CELSR1: variants seen among roughly 807,000 people sequenced by gnomAD.
The protein encoded by CELSR1 is adhesion G protein-coupled receptor C1.
Under a neutral mutation model 249.1 loss-of-function variants are expected in CELSR1, and 110 were observed. The observed-to-expected ratio is 0.44, with a 90% CI of 0.38 to 0.52. CELSR1 has a LOEUF of 0.52. CELSR1 is among the 20% of genes least tolerant of loss of function. CELSR1 has a pLI of 0.00. For missense variants in CELSR1, 4,109 were observed against 4,296.4 expected (o/e 0.96, Z 1.22); for synonymous variants, 2,113 against 1,900.0 (o/e 1.11, Z -2.92).
intron 18 of CELSR1, among the ~76,000 whole-genome samples, chr22:46,387,233 T>C (rs146697337): frequency 1.1e-4 from 17 of 152,322 alleles, no homozygotes; most frequent in Middle Eastern, 3.4e-3. Context: ...AGCCGAACAA[T>C]TGAAATACAA....
At position 46,409,278 on chromosome 22, in the gene CELSR1, A is replaced by T; in HGVS notation, c.5060-116T>A. 6 of 1,068,096 alleles carry T rather than the reference A, an allele frequency of 5.6e-6. No homozygotes were observed. The highest frequency in any genetic ancestry group is 8.0e-6 in the Non-Finnish European group (6 of 751,174). The allele number at this position is 1,068,096 out of a possible 1,614,324, so 66.2% of individuals were successfully genotyped here. A position where few individuals can be genotyped will look rare whatever the true frequency, so the allele number is the denominator to read the frequency against. ...AGGCCTGGGCCTTTTTCACTTTAAC[A>T]CGAAGGTGGGTCTGAGCCTCCCCTC... is the stretch of plus-strand genomic sequence containing the variant. On this transcript the variant is annotated intron_variant, in intron 8 of 34. Coordinates refer to ENST00000674500, the MANE Select transcript of CELSR1 (RefSeq NM_001378328.1). The surrounding 1 kb of genome is among the most constrained non-coding windows in gnomAD (Gnocchi z 9.8).
At chr22:46,371,832 C>G (rs1330276974) in intron 25 of CELSR1, among the ~76,000 whole-genome samples, 1 of 150,680 alleles carries the variant, frequency 6.6e-6, no homozygotes, top group Non-Finnish European at 1.5e-5. Context: ...CTCCATCCCT[C>G]CATCCATCCA....
chr22:46,492,501 A>T (rs5768829), intron 1 of CELSR1, among the ~76,000 whole-genome samples: 68,033 of 151,816 alleles, frequency 0.45, 17,570 homozygotes, highest in African/African-American at 0.73. Flanking sequence ...TGTTATTCCC[A>T]CCTGGATATA....
chr22:46,389,317 T>C lies in CELSR1; in HGVS notation c.6528A>G (p.Ala2176=), dbSNP rs1198796283. 6.2e-7 allele frequency: 1 copy of C among 1,608,596 alleles called. No homozygotes were observed. Among genetic ancestry groups the C allele is most frequent in the South Asian group, 1.1e-5 (1 of 91,008 alleles). ...CGTGAAAGTCGGCGTCCTGCGTGGC[T>C]GCCAGGTCGAAGCCCTGCTGCCAGC... ...HESWQQGFDL[A]ATQDADFHED... is the part of the protein sequence containing the mutation. The change falls in exon 18 of 35, where the codon GCA becomes GCG. Residue 2176 remains alanine, a synonymous_variant. Transcript: ENST00000674500.
At position 46,534,344 on chromosome 22, in the gene CELSR1, T is replaced by A; in HGVS notation, c.2827A>T (p.Ile943Phe). ...GGDDGDGDFY[I>F]EPTSGVIRTQ... ...CGAATCACACCGGACGTGGGCTCGA[T>A]GTAGAAGTCCCCATCGCCGTCGTCC... Residue 943 changes from isoleucine to phenylalanine, a missense_variant, in exon 1 of 35, where the codon ATC becomes TTC. Ile to Phe is a conservative substitution (Grantham distance 21). Coordinates refer to ENST00000674500, the MANE Select transcript of CELSR1 (RefSeq NM_001378328.1). This position sits in a 1 kb window ranked among gnomAD's most constrained non-coding sequence, Gnocchi z 9.7. The A allele has an allele frequency of 1.2e-6, 2 of 1,612,972 alleles. No individual in the cohort carries two copies. Among genetic ancestry groups the A allele is most frequent in the Non-Finnish European group, 1.7e-6 (2 of 1,180,024 alleles).
chr22:46,469,525 G>C (rs1302028663), intron 1 of CELSR1, among the ~76,000 whole-genome samples: 2 of 152,006 alleles, frequency 1.3e-5, no homozygotes, highest in Non-Finnish European at 2.9e-5. Context: ...TTGTTTGTTT[G>C]TTTGTTTTGA....
rs752684400 is a variant in CELSR1 at position 46,534,973 on chromosome 22, A to G, written c.2198T>C (p.Phe733Ser). The G allele has an allele frequency of 1.9e-6, 3 of 1,612,258 alleles. No individual in the cohort carries two copies. Among genetic ancestry groups the G allele is most frequent in the Non-Finnish European group, 2.5e-6 (3 of 1,179,782 alleles). Reference protein sequence around the residue: ...QLTGGNTRNRFALSSQRGGGL... With the variant: ...QLTGGNTRNRSALSSQRGGGL... ...GCCCCCTCTCTGGCTGCTGAGTGCAAAGCGGTTCCGGGTGTTGCCGCCTGT... is the reference window on the plus strand; with the variant it reads ...GCCCCCTCTCTGGCTGCTGAGTGCAGAGCGGTTCCGGGTGTTGCCGCCTGT... The change falls in exon 1 of 35, where the codon TTT (phenylalanine) becomes TCT (serine). Residue 733 changes from phenylalanine (F) to serine (S), a missense_variant. Physicochemically the swap from Phe to Ser is radical, Grantham distance 155. Around this residue, in one of 7 missense-constraint regions of CELSR1, gnomAD observed 886 missense variants for 896.5 expected, o/e 0.99. Transcript: ENST00000674500. The surrounding 1 kb of genome is among the most constrained non-coding windows in gnomAD (Gnocchi z 9.7).
chr22:46,499,976 C>A (rs1389977594), intron 1 of CELSR1, among the ~76,000 whole-genome samples: 1 of 152,182 alleles, frequency 6.6e-6, no homozygotes, highest in Non-Finnish European at 1.5e-5. Flanking sequence ...CCCCCACCAC[C>A]CTGAATGTCC....
intron 1 of CELSR1, among the ~76,000 whole-genome samples, chr22:46,508,619 G>A (rs1602225185): frequency 1.3e-5 from 2 of 151,988 alleles, no homozygotes; most frequent in South Asian, 2.1e-4. Flanking sequence ...CGCCTGGGGC[G>A]TCCAGGGCTC....
In CELSR1 at chr22:46,454,584, T is replaced by TGGGCCAGACATTTCTGGG. The variant is rs2079924682; in HGVS notation, c.4183+9105_4183+9122dup. Among the ~76,000 whole-genome samples the TGGGCCAGACATTTCTGGG allele has an allele frequency of 6.6e-6, 1 of 152,240 alleles. No homozygotes were observed. Among genetic ancestry groups the TGGGCCAGACATTTCTGGG allele is most frequent in the African/African-American group, 2.4e-5 (1 of 41,474 alleles). ...CGTCTTCAGGCCACTTTTCTAACTG[T>TGGGCCAGACATTTCTGGG]GGGCCAGACATTTCTGGGCAGATGT... On this transcript the variant is annotated intron_variant, in intron 2 of 34. Coordinates refer to ENST00000674500, the MANE Select transcript of CELSR1 (RefSeq NM_001378328.1). This position sits in a 1 kb window ranked among gnomAD's most constrained non-coding sequence, Gnocchi z 5.1.
chr22:46,461,028 C>T (rs1199146329), intron 2 of CELSR1, among the ~76,000 whole-genome samples: 5 of 152,190 alleles, frequency 3.3e-5, no homozygotes, highest in African/African-American at 9.7e-5. Flanking sequence ...ACCTTGCAAC[C>T]GTGAGGCCCC....
chr22:46,477,514 C>T (rs750069710), intron 1 of CELSR1, among the ~76,000 whole-genome samples: 8 of 133,666 alleles, frequency 6.0e-5, no homozygotes, highest in Admixed American at 1.6e-4. Context: ...GTTTTATTGG[C>T]TTTTTTTTTT....
rs138368584 is a variant in CELSR1 at position 46,512,462 on chromosome 22, C to T, written c.3544+21165G>A. Among the ~76,000 whole-genome samples the T allele has an allele frequency of 6.1e-4, 93 of 152,272 alleles. No homozygotes were observed. The highest frequency in any genetic ancestry group is 1.9e-3 in the African/African-American group (79 of 41,542). ...TGGTGTACACCTATAATCCCAGCTA[C>T]GTAGAAGGCTGAGGCACGAGAATTG... On this transcript the variant is annotated intron_variant, in intron 1 of 34. Coordinates refer to ENST00000674500, the MANE Select transcript of CELSR1 (RefSeq NM_001378328.1). The surrounding 1 kb of genome is among the most constrained non-coding windows in gnomAD (Gnocchi z 5.2).
At chr22:46,389,797 TAAAAA>T (rs891914384) in intron 17 of CELSR1, among the ~76,000 whole-genome samples, 18 of 150,580 alleles carry the variant, frequency 1.2e-4, no homozygotes, top group African/African-American at 3.3e-4. Flanking sequence ...ATTTTAAAAA[TAAAAA>T]AATTAGCAGG....
At chr22:46,482,313 G>A (rs1316238045) in intron 1 of CELSR1, among the ~76,000 whole-genome samples, 1 of 152,162 alleles carries the variant, frequency 6.6e-6, no homozygotes, top group Non-Finnish European at 1.5e-5. Flanking sequence ...AGCTTATGGG[G>A]ACAGAGGAAG....
At chr22:46,463,584 G>A in intron 2 of CELSR1, 123 bp downstream of exon 2, 2 of 1,082,918 alleles carry the variant, frequency 1.8e-6, no homozygotes, top group Non-Finnish European at 2.5e-6. Context: ...CCCACACCTG[G>A]GCCCAGCGCC....
intron 1 of CELSR1, among the ~76,000 whole-genome samples, chr22:46,519,724 G>T (rs9615375): frequency 0.26 from 40,140 of 151,874 alleles, 6,243 homozygotes; most frequent in African/African-American, 0.43. Context: ...CTCAGGTGCC[G>T]CCAGAAACAC....
At position 46,391,226 on chromosome 22, in the gene CELSR1, G is replaced by A. The variant is rs371374031; in HGVS notation, c.6210C>T (p.Phe2070=). 24 of 1,613,448 alleles carry A rather than the reference G, an allele frequency of 1.5e-5. No homozygotes were observed. The highest frequency in any genetic ancestry group is 3.3e-5 in the South Asian group (3 of 91,050). Residue 2070 remains phenylalanine, a synonymous_variant, in exon 16 of 35, where the codon TTC becomes TTT. Transcript: ENST00000674500. This position sits in a 1 kb window ranked among gnomAD's most constrained non-coding sequence, Gnocchi z 4.3. The part of the protein sequence containing the change: ...EAGIWWPQTK[F]GQPAAVPCPK... ...GGCATGGCACCGCAGCCGGCTGCCC[G>A]AACTTGGTCTGTGGCCACCAGATGC... is the stretch of plus-strand genomic sequence containing the variant.
At chr22:46,405,443 G>C (rs1056489882) in intron 9 of CELSR1, among the ~76,000 whole-genome samples, 2 of 136,756 alleles carry the variant, frequency 1.5e-5, no homozygotes, top group African/African-American at 2.9e-5. Context: ...CTGGGTGACA[G>C]AGCGAGACTC....
Sources: allele counts gnomAD v4.1 joint callset (sites outside exome capture counted in the v4.1 genomes callset), GRCh38; gene constraint gnomAD v4.1.1; regional missense constraint gnomAD v4.1.1; non-coding constraint Gnocchi (gnomAD v3.1); transcripts MANE v1.5; gene names NCBI Gene and HGNC (gene_info 2026-07-23, HGNC 2026-07-21).